Variants in FAM120A observed in about 807,000 individuals in gnomAD.
FAM120A encodes the protein constitutive coactivator of PPAR-gamma-like protein 1.
Under a neutral mutation model 109.7 loss-of-function variants are expected in FAM120A, and 15 were observed. The ratio of observed to expected loss-of-function variants is 0.14; its 90% confidence interval spans 0.09 to 0.21. The LOEUF (loss-of-function observed/expected upper bound fraction) is 0.21. Among genes scored for constraint, FAM120A ranks in the 10% least tolerant of loss-of-function variants. The pLI, the probability that FAM120A is intolerant of heterozygous loss-of-function variation, is 1.00. For synonymous variants in FAM120A, 493 were observed against 572.8 expected (o/e 0.86, Z 1.99); for missense variants, 899 against 1,439.3 (o/e 0.62, Z 6.07).
chr9:93,553,536 G>A (rs543732845), intron 12 of FAM120A, among the ~76,000 whole-genome samples: 1 of 152,138 alleles, frequency 6.6e-6, no homozygotes, highest in Admixed American at 6.5e-5. Context: ...TGAGCTAATC[G>A]GTCAGAGAGA....
chr9:93,522,277 A>G (rs1860877674), intron 7 of FAM120A, among the ~76,000 whole-genome samples: 1 of 152,198 alleles, frequency 6.6e-6, no homozygotes, highest in Non-Finnish European at 1.5e-5. Context: ...AACACTGGAC[A>G]ATACAGTATA....
In FAM120A at chr9:93,543,399, G is replaced by T; in HGVS notation, c.2087G>T (p.Arg696Met). Residue 696 changes from arginine (R) to methionine (M), a missense_variant, in exon 11 of 18, where the codon AGG becomes ATG. Transcript: ENST00000277165. Reference protein sequence around the residue: ...RRMRAFLACMRSDTPAMLNPA... With the variant: ...RRMRAFLACMMSDTPAMLNPA... ...ATGAGGGCCTTCCTGGCCTGCATGA[G>T]GTCGGACACCCCAGCCATGCTCAAC... 1 of 1,614,196 alleles carries T rather than the reference G, an allele frequency of 6.2e-7. No individual in the cohort carries two copies. Among genetic ancestry groups the T allele is most frequent in the South Asian group, 1.1e-5 (1 of 91,084 alleles).
At chr9:93,531,212 A>G (rs1194882393) in intron 9 of FAM120A, 2 of 152,238 alleles carry the variant, frequency 1.3e-5, no homozygotes, top group African/African-American at 2.4e-5. Context: ...ACATGTAGCT[A>G]CTGGATTAAT....
intron 1 of FAM120A, among the ~76,000 whole-genome samples, chr9:93,468,238 T>C (rs1325264488): frequency 6.6e-6 from 1 of 152,194 alleles, no homozygotes; most frequent in African/African-American, 2.4e-5. Flanking sequence ...GGATAGACTG[T>C]ATCTTACTAG....
chr9:93,514,563 T>C (rs1860480543), intron 5 of FAM120A, among the ~76,000 whole-genome samples: 1 of 152,226 alleles, frequency 6.6e-6, no homozygotes, highest in Non-Finnish European at 1.5e-5. Flanking sequence ...AGTGTGCATC[T>C]TACTTAAACC....
Position 93,471,278 on chromosome 9 carries a change from A to G in FAM120A, c.612A>G (p.Lys204=). Residue 204 remains lysine, a synonymous_variant, in exon 2 of 18, where the codon AAA becomes AAG. Coordinates refer to ENST00000277165, the MANE Select transcript of FAM120A (RefSeq NM_014612.5). ...IPYYFSAHAL[K]LSRNGKSLTT... ...ACTATTTCAGTGCCCATGCCCTAAA[A>G]CTGAGCCGGAACGGGAAAAGTCTCA... 6.2e-7 allele frequency: 1 copy of G among 1,614,180 alleles called. No homozygotes were observed.
intron 1 of FAM120A, chr9:93,453,143 GA>G (rs532187488): frequency 2.8e-4 from 284 of 1,004,282 alleles, no homozygotes; most frequent in Non-Finnish European, 3.3e-4. Context: ...CATGCGAAAG[GA>G]GTCGCTCAAA....
intron 3 of FAM120A, among the ~76,000 whole-genome samples, chr9:93,479,272 G>C (rs1054224596): frequency 3.3e-5 from 5 of 151,780 alleles, no homozygotes; most frequent in African/African-American, 1.2e-4. Flanking sequence ...CTAATTTTTT[G>C]TATTTTTAGT....
chr9:93,452,835 G>C lies in FAM120A; in HGVS notation c.474+446G>C, dbSNP rs548662593. 4 of 1,534,196 alleles carry C rather than the reference G, an allele frequency of 2.6e-6. No individual in the cohort carries two copies. Among genetic ancestry groups the C allele is most frequent in the African/African-American group, 2.8e-5 (2 of 72,442 alleles). The stretch of plus-strand genomic sequence containing the variant: ...AGCAGGCAGGATACAGAGTAATAGA[G>C]GGGGTTTCGCCAGAGCCCTTGGGGG... On this transcript the variant is annotated intron_variant, in intron 1 of 17. Transcript: ENST00000277165. The surrounding 1 kb of genome is among the most constrained non-coding windows in gnomAD (Gnocchi z 7.0).
In FAM120A at chr9:93,452,856, G is replaced by A. The variant is rs369571714; in HGVS notation, c.474+467G>A. 11 of 1,486,622 alleles carry A rather than the reference G, an allele frequency of 7.4e-6. No homozygotes were observed. The East Asian group carries it at 2.2e-4, about 29-fold the overall frequency. The allele number at this position is 1,486,622 out of a possible 1,614,324, so 92.1% of individuals were successfully genotyped here. ...TAGAGGGGGTTTCGCCAGAGCCCTT[G>A]GGGGCTGCAAATATCAGTGCTGCTG... On this transcript the variant is annotated intron_variant, in intron 1 of 17. Transcript: ENST00000277165. This position sits in a 1 kb window ranked among gnomAD's most constrained non-coding sequence, Gnocchi z 7.0.
At chr9:93,543,114 C>T (rs1000320820) in intron 10 of FAM120A, 108 bp from the exon 11 acceptor site, 129 of 1,385,436 alleles carry the variant, frequency 9.3e-5, no homozygotes, top group Non-Finnish European at 1.2e-4. Flanking sequence ...GCATTGTTAC[C>T]TGAGAGGCGA....
chr9:93,500,936 G>A lies in FAM120A; in HGVS notation c.1030+2050G>A, dbSNP rs183853590. ...TATTAAAAGAGAAGGCGTATGTAAG[G>A]TGCTTTAGTGAAGTACTTGTTCAGT... is the stretch of plus-strand genomic sequence containing the variant. On this transcript the variant is annotated intron_variant, in intron 5 of 17. Transcript: ENST00000277165. This position sits in a 1 kb window ranked among gnomAD's most constrained non-coding sequence, Gnocchi z 4.6. Among the ~76,000 whole-genome samples the A allele has an allele frequency of 2.0e-5, 3 of 152,344 alleles. No homozygotes were observed. The East Asian group carries it at 5.8e-4, about 29-fold the overall frequency.
In FAM120A at chr9:93,498,504, C is replaced by T. The variant is rs574916984; in HGVS notation, c.934-286C>T. Among the ~76,000 whole-genome samples the T allele has an allele frequency of 4.6e-5, 7 of 152,352 alleles. No homozygotes were observed. Among genetic ancestry groups the T allele is most frequent in the Admixed American group, 4.6e-4 (7 of 15,302 alleles). ...ATTCCTCTCTGGGCAGGACCAGAGA[C>T]CGAGCAGAGTGGAAGTCAGGGAAGT... On this transcript the variant is annotated intron_variant, in intron 4 of 17. Coordinates refer to ENST00000277165, the MANE Select transcript of FAM120A (RefSeq NM_014612.5). This position sits in a 1 kb window ranked among gnomAD's most constrained non-coding sequence, Gnocchi z 4.4.
At position 93,452,571 on chromosome 9, in the gene FAM120A, G is replaced by A. The variant is rs752542662; in HGVS notation, c.474+182G>A. The A allele has an allele frequency of 2.6e-5, 42 of 1,592,736 alleles. No individual in the cohort carries two copies. Among genetic ancestry groups the A allele is most frequent in the Non-Finnish European group, 3.4e-5 (40 of 1,176,632 alleles). On this transcript the variant is annotated intron_variant, in intron 1 of 17. Coordinates refer to ENST00000277165, the MANE Select transcript of FAM120A (RefSeq NM_014612.5). This position sits in a 1 kb window ranked among gnomAD's most constrained non-coding sequence, Gnocchi z 7.0. ...ATGGATGGCCGCGGGTGCAGGCCGCGCGCTGCCCAAGCCCGTCTCCAGCTG... is the reference window on the plus strand; with the variant it reads ...ATGGATGGCCGCGGGTGCAGGCCGCACGCTGCCCAAGCCCGTCTCCAGCTG...
At chr9:93,543,531 A>G (rs1289402793) in intron 11 of FAM120A, 60 bp downstream of exon 11, 2 of 1,558,440 alleles carry the variant, frequency 1.3e-6, no homozygotes, top group East Asian at 2.3e-5. Context: ...GGCCATGACC[A>G]TGGTGTCAGA....
At chr9:93,537,550 T>C (rs1861558683) in intron 10 of FAM120A, among the ~76,000 whole-genome samples, 1 of 152,124 alleles carries the variant, frequency 6.6e-6, no homozygotes. Flanking sequence ...ATAAAAATTA[T>C]ACACACATGA....
At chr9:93,501,998 C>T (rs1449940555) in intron 5 of FAM120A, among the ~76,000 whole-genome samples, 1 of 152,120 alleles carries the variant, frequency 6.6e-6, no homozygotes, top group Non-Finnish European at 1.5e-5. Context: ...CCCTTTCTGG[C>T]AACTCAAGTT....
rs532035586 is a variant in FAM120A at position 93,502,311 on chromosome 9, A to G, written c.1030+3425A>G. On this transcript the variant is annotated intron_variant, in intron 5 of 17. Coordinates refer to ENST00000277165, the MANE Select transcript of FAM120A (RefSeq NM_014612.5). ...ACATGGGGTGAGTTGATCTAACCAGAGGTTTCTAAACTTGGCTGGAATTTT... is the reference window on the plus strand; with the variant it reads ...ACATGGGGTGAGTTGATCTAACCAGGGGTTTCTAAACTTGGCTGGAATTTT... 2.0e-5 allele frequency among the ~76,000 whole-genome samples: 3 copies of G among 152,298 alleles called. 1 individual carries two copies. In the South Asian group the frequency reaches 6.2e-4, roughly 32 times the overall value.
At position 93,505,555 on chromosome 9, in the gene FAM120A, T is replaced by G. The variant is rs78665536; in HGVS notation, c.1030+6669T>G. On this transcript the variant is annotated intron_variant, in intron 5 of 17. Coordinates refer to ENST00000277165, the MANE Select transcript of FAM120A (RefSeq NM_014612.5). ...CAAATACATGAATTTTTCCCTTTGT[T>G]GTTTGTACCTTTAAGTCCTATCCTG... is the stretch of plus-strand genomic sequence containing the variant. Among the ~76,000 whole-genome samples, 1,091 of 152,340 alleles carry G rather than the reference T, an allele frequency of 7.2e-3. 26 individuals are homozygous for G. In the East Asian group the frequency reaches 0.072, roughly 10 times the overall value.
Sources: allele counts gnomAD v4.1 joint callset (sites outside exome capture counted in the v4.1 genomes callset), GRCh38; gene constraint gnomAD v4.1.1; non-coding constraint Gnocchi (gnomAD v3.1); transcripts MANE v1.5; gene names NCBI Gene and HGNC (gene_info 2026-07-23, HGNC 2026-07-21).